TNR: variants seen among roughly 807,000 people sequenced by gnomAD.
TNR encodes tenascin-R.
In TNR, 45 loss-of-function variants were observed where a neutral mutation model predicts 150.4. That is an observed-to-expected ratio of 0.30 (90% CI 0.24 to 0.38). The LOEUF (loss-of-function observed/expected upper bound fraction) is 0.38, where lower values mean the gene tolerates loss of function less well. Ranked by LOEUF, TNR falls within the 10% of genes least tolerant of loss-of-function variation. The probability of loss-of-function intolerance (pLI) is 1.00; values close to 1 mark genes in which losing one functional copy is unlikely to be tolerated. For missense variants in TNR, 1,544 were observed against 1,759.1 expected (o/e 0.88, Z 2.19); for synonymous variants, 687 against 678.4 (o/e 1.01, Z -0.20).
At chr1:175,700,971 C>A (rs1163180016) in intron 1 of TNR, among the ~76,000 whole-genome samples, 2 of 152,212 alleles carry the variant, frequency 1.3e-5, no homozygotes, top group African/African-American at 4.8e-5. Context: ...ATCTTCAGCC[C>A]CTGCCAGTTT....
intron 2 of TNR, among the ~76,000 whole-genome samples, chr1:175,501,421 C>A (rs1296631819): frequency 2.0e-5 from 3 of 151,922 alleles, no homozygotes; most frequent in African/African-American, 7.2e-5. Flanking sequence ...AACTAAATTT[C>A]CCCAACCACC....
At chr1:175,341,128 T>C (rs561804846) in intron 18 of TNR, among the ~76,000 whole-genome samples, 87 of 152,324 alleles carry the variant, frequency 5.7e-4, no homozygotes, top group Non-Finnish European at 9.8e-4. Flanking sequence ...TACTGGGGCT[T>C]TATACATTTT....
intron 1 of TNR, among the ~76,000 whole-genome samples, chr1:175,734,218 A>AGG (rs1667716322): frequency 6.6e-6 from 1 of 152,208 alleles, no homozygotes; most frequent in South Asian, 2.1e-4. Flanking sequence ...GCCTCAAAAT[A>AGG]CACCCTTCCT....
At chr1:175,573,920 G>A (rs942583390) in intron 1 of TNR, among the ~76,000 whole-genome samples, 12 of 152,216 alleles carry the variant, frequency 7.9e-5, no homozygotes, top group African/African-American at 2.9e-4. Context: ...CTTGGCATGA[G>A]CAATTAAAAT....
At chr1:175,439,322 A>G (rs1655671832) in intron 2 of TNR, among the ~76,000 whole-genome samples, 2 of 152,120 alleles carry the variant, frequency 1.3e-5, no homozygotes, top group Non-Finnish European at 2.9e-5. Flanking sequence ...GGCTAGCCAT[A>G]TGTAGAAAAC....
rs1412726558 is a variant in TNR, at chr1:175,703,529, C to T, written c.-165+39697G>A. 2.6e-5 allele frequency among the ~76,000 whole-genome samples: 4 copies of T among 152,100 alleles called. No individual in the cohort carries two copies. In the East Asian group the frequency reaches 5.8e-4, roughly 22 times the overall value. ...CTGCATTTTACAGCTAGGGTAGGGC[C>T]TAGACTCAGTTAACACTTGGCTGTA... On this transcript the variant is annotated intron_variant, in intron 1 of 22. Transcript: ENST00000367674.
At chr1:175,563,268 G>C (rs1285482137) in intron 1 of TNR, among the ~76,000 whole-genome samples, 1 of 152,210 alleles carries the variant, frequency 6.6e-6, no homozygotes, top group Admixed American at 6.5e-5. Context: ...CCAGTAAAAA[G>C]GCAAGTGGAT....
intron 1 of TNR, among the ~76,000 whole-genome samples, chr1:175,635,266 G>T (rs1309496696): frequency 6.6e-6 from 1 of 152,224 alleles, no homozygotes; most frequent in African/African-American, 2.4e-5. Flanking sequence ...AGCTGGAGCA[G>T]CTCCATCTCG....
intron 2 of TNR, among the ~76,000 whole-genome samples, chr1:175,509,135 A>G (rs1242029300): frequency 6.6e-6 from 1 of 152,080 alleles, no homozygotes; most frequent in Admixed American, 6.5e-5. Context: ...ATGAGCCATT[A>G]TTTTGCTGGG....
chr1:175,669,468 C>CT (rs1665629484), intron 1 of TNR, among the ~76,000 whole-genome samples: 1 of 152,198 alleles, frequency 6.6e-6, no homozygotes, highest in Non-Finnish European at 1.5e-5. Context: ...TGACTTTGCC[C>CT]TCCACAGAGC....
intron 2 of TNR, among the ~76,000 whole-genome samples, chr1:175,418,398 T>C (rs916480567): frequency 6.6e-6 from 1 of 152,024 alleles, no homozygotes; most frequent in Non-Finnish European, 1.5e-5. Flanking sequence ...TCTTGAAGAA[T>C]GAGAAAGATT....
At chr1:175,473,529 C>T (rs1282163830) in intron 2 of TNR, among the ~76,000 whole-genome samples, 2 of 152,128 alleles carry the variant, frequency 1.3e-5, no homozygotes, top group South Asian at 4.2e-4. Flanking sequence ...GAAAAATGAC[C>T]CAATGCACTG....
intron 1 of TNR, among the ~76,000 whole-genome samples, chr1:175,661,893 C>T (rs1462225586): frequency 2.7e-5 from 4 of 150,208 alleles, no homozygotes; most frequent in Non-Finnish European, 5.9e-5. Flanking sequence ...AGCAGCTCTC[C>T]GGCCTTGAGA....
chr1:175,679,092 A>G (rs1665952931), intron 1 of TNR, among the ~76,000 whole-genome samples: 1 of 152,236 alleles, frequency 6.6e-6, no homozygotes, highest in Non-Finnish European at 1.5e-5. Flanking sequence ...GGCTTAAGAA[A>G]AGATGTTCCA....
intron 18 of TNR, among the ~76,000 whole-genome samples, chr1:175,351,997 C>T (rs1291902683): frequency 2.6e-5 from 4 of 152,184 alleles, no homozygotes; most frequent in Non-Finnish European, 5.9e-5. Context: ...CCTGCACTGT[C>T]CACCAAATGA....
At chr1:175,636,658 C>T (rs1447395162) in intron 1 of TNR, among the ~76,000 whole-genome samples, 2 of 152,194 alleles carry the variant, frequency 1.3e-5, no homozygotes, top group Non-Finnish European at 2.9e-5. Flanking sequence ...TCTATAATTC[C>T]TCTGTGCAGT....
intron 9 of TNR, among the ~76,000 whole-genome samples, chr1:175,368,603 T>C (rs1429858263): frequency 2.0e-5 from 3 of 152,230 alleles, no homozygotes; most frequent in South Asian, 2.1e-4. Context: ...CTATTTCATC[T>C]ATTACAACTG....
intron 1 of TNR, among the ~76,000 whole-genome samples, chr1:175,713,220 G>A (rs907638571): frequency 5.9e-5 from 9 of 152,172 alleles, no homozygotes; most frequent in South Asian, 2.1e-4. Flanking sequence ...GTGGTTACAC[G>A]TAAGAATCAA....
chr1:175,437,887 T>C (rs1655586797), intron 2 of TNR, among the ~76,000 whole-genome samples: 1 of 152,182 alleles, frequency 6.6e-6, no homozygotes, highest in Admixed American at 6.5e-5. Context: ...CAATAATTAA[T>C]AGCTTACCAA....
Sources: gnomAD v4.1 joint callset for allele counts (sites outside exome capture counted in the v4.1 genomes callset) on GRCh38, gnomAD v4.1.1 for gene constraint, MANE v1.5 for transcripts, NCBI Gene and HGNC (gene_info 2026-07-23, HGNC 2026-07-21) for gene names.